ZFR: variants seen among roughly 807,000 people sequenced by gnomAD.
ZFR encodes the protein zinc finger RNA binding protein, also known as zinc finger RNA-binding protein.
Under a neutral mutation model 130.7 loss-of-function variants are expected in ZFR, and 19 were observed. The observed-to-expected ratio is 0.15, with a 90% CI of 0.10 to 0.21. ZFR has a LOEUF of 0.21. ZFR is among the 10% of genes least tolerant of loss of function. ZFR has a pLI of 1.00. For synonymous variants in ZFR, 466 were observed against 456.9 expected (o/e 1.02, Z -0.25); for missense variants, 872 against 1,321.5 (o/e 0.66, Z 5.27).
intron 2 of ZFR, among the ~76,000 whole-genome samples, chr5:32,443,455 C>T (rs1223998862): frequency 6.6e-6 from 1 of 152,264 alleles, no homozygotes; most frequent in Non-Finnish European, 1.5e-5. Context: ...GAATGACAGG[C>T]CCACCTGGGG....
chr5:32,415,743 C>T (rs952831216), intron 4 of ZFR, among the ~76,000 whole-genome samples: 5 of 152,082 alleles, frequency 3.3e-5, no homozygotes, highest in Admixed American at 3.3e-4. Flanking sequence ...AACTTGAATG[C>T]AGCTATTCTT....
intron 17 of ZFR, among the ~76,000 whole-genome samples, chr5:32,366,837 T>G (rs1328198877): frequency 6.6e-6 from 1 of 151,670 alleles, no homozygotes; most frequent in African/African-American, 2.4e-5. Flanking sequence ...ATTAAATGAT[T>G]AAAAAAATCA....
Position 32,415,157 on chromosome 5 carries a change from G to A in ZFR, c.596C>T (p.Thr199Ile), listed in dbSNP as rs918768431. 1.9e-6 allele frequency: 3 copies of A among 1,613,904 alleles called. No individual in the cohort carries two copies. Among genetic ancestry groups the A allele is most frequent in the African/African-American group, 2.7e-5 (2 of 74,900 alleles). The change falls in exon 5 of 20, where the codon ACT becomes ATT. Residue 199 changes from threonine (T) to isoleucine (I), a missense_variant. By Grantham distance (89) the Thr-to-Ile change is moderately conservative (BLOSUM62 -1). Coordinates refer to ENST00000265069, the MANE Select transcript of ZFR (RefSeq NM_016107.5). The part of the protein sequence containing the change: ...APKAGYSQGA[T>I]QYTQAQQTRQ... Reference sequence around the variant, plus strand: ...AGTTTGCTGGGCTTGAGTATACTGAGTTGCACCTTGGCTGTAACCTGCTTT... The same window carrying A: ...AGTTTGCTGGGCTTGAGTATACTGAATTGCACCTTGGCTGTAACCTGCTTT...
chr5:32,377,663 T>C (rs1752852545), intron 17 of ZFR, among the ~76,000 whole-genome samples: 1 of 152,024 alleles, frequency 6.6e-6, no homozygotes, highest in African/African-American at 2.4e-5. Flanking sequence ...CATTATGCAA[T>C]TAAAGAAATA....
rs771618681 is a variant in ZFR, at chr5:32,388,690, G to A, written c.2143-16C>T. 2.6e-6 allele frequency: 4 copies of A among 1,565,064 alleles called. No individual in the cohort carries two copies. The South Asian group carries it at 3.6e-5, about 14-fold the overall frequency. On this transcript the variant is annotated splice_polypyrimidine_tract_variant and intron_variant, in intron 12 of 19. Coordinates refer to ENST00000265069, the MANE Select transcript of ZFR (RefSeq NM_016107.5). ...GACGTAAGGGCTACAGAGAAACAAAGTTGCTCAATTTAAAAAAAAGTTTCC... is the reference window on the plus strand; with the variant it reads ...GACGTAAGGGCTACAGAGAAACAAAATTGCTCAATTTAAAAAAAAGTTTCC...
chr5:32,358,644 A>T (rs945598511), intron 19 of ZFR, among the ~76,000 whole-genome samples: 23 of 152,084 alleles, frequency 1.5e-4, no homozygotes, highest in Non-Finnish European at 2.5e-4. Context: ...AAAAAAAAAA[A>T]TTTAAATCAA....
chr5:32,376,482 T>G (rs1020851735), intron 17 of ZFR, among the ~76,000 whole-genome samples: 1 of 151,088 alleles, frequency 6.6e-6, no homozygotes, highest in Non-Finnish European at 1.5e-5. Flanking sequence ...CCGTTTCTAC[T>G]AAAATATACA....
At chr5:32,367,801 G>C (rs1166606481) in intron 17 of ZFR, among the ~76,000 whole-genome samples, 7 of 152,054 alleles carry the variant, frequency 4.6e-5, no homozygotes, top group Non-Finnish European at 7.4e-5. Context: ...TATAATAAGA[G>C]TAACTCTTAG....
intron 17 of ZFR, among the ~76,000 whole-genome samples, chr5:32,376,298 A>C (rs1184812779): frequency 6.6e-6 from 1 of 152,222 alleles, no homozygotes; most frequent in African/African-American, 2.4e-5. Flanking sequence ...TATGTATTTA[A>C]ATTTACATAT....
chr5:32,418,732 C>T (rs1581708623), intron 3 of ZFR, among the ~76,000 whole-genome samples: 1 of 152,134 alleles, frequency 6.6e-6, no homozygotes, highest in Non-Finnish European at 1.5e-5. Flanking sequence ...ATTTACATTT[C>T]AATTTTTTAC....
intron 9 of ZFR, among the ~76,000 whole-genome samples, chr5:32,397,847 A>ATTTTTT (rs1753352284): frequency 2.8e-5 from 2 of 71,130 alleles, no homozygotes; most frequent in Non-Finnish European, 5.5e-5. Context: ...TTGCTCTTGT[A>ATTTTTT]TCTTTTTTTT....
chr5:32,384,244 A>C (rs1216687545), intron 15 of ZFR, among the ~76,000 whole-genome samples: 1 of 143,056 alleles, frequency 7.0e-6, no homozygotes, highest in Non-Finnish European at 1.5e-5. Context: ...TGACCTGACC[A>C]GATTGACTCA....
chr5:32,410,283 CAAAAAAAAA>C (rs3065266), intron 5 of ZFR, among the ~76,000 whole-genome samples: 7 of 113,112 alleles, frequency 6.2e-5, no homozygotes, highest in Admixed American at 9.8e-5. Flanking sequence ...ACACTGTCTC[CAAAAAAAAA>C]AAAAAAAAAA....
chr5:32,390,409 T>G lies in ZFR; in HGVS notation c.2008A>C (p.Arg670=). Residue 670 remains arginine (R), a synonymous_variant, in exon 12 of 20, where the codon AGA becomes CGA. Coordinates refer to ENST00000265069, the MANE Select transcript of ZFR (RefSeq NM_016107.5). ...CAATGATGTTGTTCTTCCTCCATTCTCCTCCAGTACATGTCCTCTTCATAA... is the reference window on the plus strand; with the variant it reads ...CAATGATGTTGTTCTTCCTCCATTCGCCTCCAGTACATGTCCTCTTCATAA... ...RRYEEDMYWR[R]MEEEQHHWDD... 6.2e-7 allele frequency: 1 copy of G among 1,614,096 alleles called. No homozygotes were observed. Among genetic ancestry groups the G allele is most frequent in the Non-Finnish European group, 8.5e-7 (1 of 1,180,006 alleles).
chr5:32,404,896 A>G (rs1467234017), intron 6 of ZFR, among the ~76,000 whole-genome samples: 1 of 151,916 alleles, frequency 6.6e-6, no homozygotes, highest in Non-Finnish European at 1.5e-5. Flanking sequence ...GGGTCACCGC[A>G]ATCTCCACCT....
chr5:32,368,106 A>T (rs1262843832), intron 17 of ZFR, among the ~76,000 whole-genome samples: 10 of 152,172 alleles, frequency 6.6e-5, no homozygotes, highest in Admixed American at 5.2e-4. Context: ...GCTCTGGTAG[A>T]GACAAAGACC....
chr5:32,410,283 C>CA (rs3065266), intron 5 of ZFR, among the ~76,000 whole-genome samples: 1,284 of 113,006 alleles, frequency 0.011, 108 homozygotes, highest in Non-Finnish European at 0.016. Context: ...ACACTGTCTC[C>CA]AAAAAAAAAA....
chr5:32,442,232 T>C (rs1219677202), intron 2 of ZFR, among the ~76,000 whole-genome samples: 2 of 152,206 alleles, frequency 1.3e-5, no homozygotes, highest in Non-Finnish European at 2.9e-5. Flanking sequence ...AAAATTTTAA[T>C]GGTTAAACAC....
intron 5 of ZFR, among the ~76,000 whole-genome samples, chr5:32,411,093 T>C (rs1449421420): frequency 6.6e-6 from 1 of 152,226 alleles, no homozygotes; most frequent in Non-Finnish European, 1.5e-5. Context: ...ATTAGAATGG[T>C]TTCTAAATAC....
Sources: allele counts gnomAD v4.1 joint callset (sites outside exome capture counted in the v4.1 genomes callset), GRCh38; gene constraint gnomAD v4.1.1; transcripts MANE v1.5; gene names NCBI Gene and HGNC (gene_info 2026-07-23, HGNC 2026-07-21).